PEX5L: variants seen among roughly 807,000 people sequenced by gnomAD.
PEX5L encodes peroxisomal biogenesis factor 5 like.
Under a neutral mutation model 84.0 loss-of-function variants are expected in PEX5L, and 30 were observed. The ratio of observed to expected loss-of-function variants is 0.36; its 90% CI spans 0.27 to 0.48. The LOEUF (loss-of-function observed/expected upper bound fraction) is 0.48, where lower values mean the gene tolerates loss of function less well. PEX5L is among the 20% of genes least tolerant of loss of function. PEX5L has a pLI of 0.99. For synonymous variants in PEX5L, 270 were observed against 283.1 expected (o/e 0.95, Z 0.46); for missense variants, 533 against 754.6 (o/e 0.71, Z 3.44).
chr3:179,904,926 T>A (rs1437378165), intron 2 of PEX5L, among the ~76,000 whole-genome samples: 1 of 152,184 alleles, frequency 6.6e-6, no homozygotes, highest in East Asian at 1.9e-4. Context: ...CCCTCCTGCA[T>A]GCCCATCATG....
At position 179,795,661 on chromosome 3, in the gene PEX5L, T is replaced by C. The variant is rs1716637001; in HGVS notation, c.*6167A>G. On this transcript the variant is annotated 3_prime_UTR_variant, in exon 15 of 15. Coordinates refer to ENST00000467460, the MANE Select transcript of PEX5L (RefSeq NM_016559.3). ...ATGTAAACATTTAAACTTAAATTTT[T>C]TTCTTGTTATCTATTTCAGCCTGAA... is the stretch of plus-strand genomic sequence containing the variant. 1 of 152,192 alleles carries C rather than the reference T, an allele frequency of 6.6e-6. No homozygotes were observed. The highest frequency in any genetic ancestry group is 2.4e-5 in the African/African-American group (1 of 41,462). The allele number at this position is 152,192 out of a possible 1,614,324, so 9.4% of individuals were successfully genotyped here. A position where few individuals can be genotyped will look rare whatever the true frequency, so the allele number is the denominator to read the frequency against.
intron 1 of PEX5L, among the ~76,000 whole-genome samples, chr3:180,025,807 G>A (rs1384731505): frequency 6.6e-6 from 1 of 152,210 alleles, no homozygotes; most frequent in Non-Finnish European, 1.5e-5. Flanking sequence ...AAACATTTTG[G>A]TAGCTCTATA....
At chr3:179,846,649 G>C (rs4855116) in intron 8 of PEX5L, among the ~76,000 whole-genome samples, 106,743 of 152,064 alleles carry the variant, frequency 0.7, 37,964 homozygotes, top group African/African-American at 0.81. Flanking sequence ...ATTGCCCTCC[G>C]CAGTTGGAAG....
chr3:179,858,640 A>G (rs1489795843), intron 8 of PEX5L, among the ~76,000 whole-genome samples: 2 of 152,150 alleles, frequency 1.3e-5, no homozygotes, highest in Non-Finnish European at 2.9e-5. Flanking sequence ...TATATATCAC[A>G]CGGGCAGCAA....
At chr3:180,026,640 T>A (rs937637709) in intron 1 of PEX5L, among the ~76,000 whole-genome samples, 1 of 152,212 alleles carries the variant, frequency 6.6e-6, no homozygotes, top group Non-Finnish European at 1.5e-5. Context: ...CTCTGCTACA[T>A]GATTTAATAA....
chr3:179,845,032 C>T (rs1051423253), intron 8 of PEX5L, among the ~76,000 whole-genome samples: 10 of 152,192 alleles, frequency 6.6e-5, no homozygotes, highest in Non-Finnish European at 1.0e-4. Flanking sequence ...GTTTAAAAAT[C>T]GTGTGATCTA....
At position 179,880,115 on chromosome 3, in the gene PEX5L, T is replaced by A. The variant is rs758121139; in HGVS notation, c.319A>T (p.Thr107Ser). The change falls in exon 5 of 15, where the codon ACT (threonine) becomes TCT (serine). Residue 107 changes from threonine to serine, a missense_variant. By Grantham distance (58) the Thr-to-Ser change is moderately conservative. Coordinates refer to ENST00000467460, the MANE Select transcript of PEX5L (RefSeq NM_016559.3). ...CTCAGGTCGAGGAGATCTAAGCCAG[T>A]GGTCAATACTACCAGAAATGGAAGA... ...PVTSNTAVLT[T>S]GLDLLDLSEP... The A allele has an allele frequency of 3.1e-6, 5 of 1,596,088 alleles. No individual in the cohort carries two copies. Among genetic ancestry groups the A allele is most frequent in the Non-Finnish European group, 4.3e-6 (5 of 1,171,658 alleles).
chr3:179,802,309 T>C (rs1293510108), intron 14 of PEX5L, among the ~76,000 whole-genome samples: 2 of 151,598 alleles, frequency 1.3e-5, no homozygotes, highest in Non-Finnish European at 2.9e-5. Flanking sequence ...CCAAGGCAGG[T>C]GGATCACTTG....
chr3:179,905,317 G>A (rs557305402), intron 2 of PEX5L, among the ~76,000 whole-genome samples: 124 of 150,514 alleles, frequency 8.2e-4, no homozygotes, highest in African/African-American at 2.8e-3. Flanking sequence ...CTGTCGCCCA[G>A]GCTGGAGTGC....
chr3:179,951,292 G>A (rs1474366), intron 2 of PEX5L, among the ~76,000 whole-genome samples: 108,904 of 152,008 alleles, frequency 0.72, 39,598 homozygotes, highest in East Asian at 0.89. Context: ...TTCTACTCCC[G>A]TGTCTTTCTT....
chr3:179,881,079 A>G (rs888950678), intron 4 of PEX5L: 1 of 152,376 alleles, frequency 6.6e-6, no homozygotes, highest in Non-Finnish European at 1.5e-5. Flanking sequence ...CACGTAGGAA[A>G]GCCACAGAAA....
chr3:179,845,119 C>T (rs546428061), intron 8 of PEX5L, among the ~76,000 whole-genome samples: 4 of 152,288 alleles, frequency 2.6e-5, no homozygotes, highest in African/African-American at 9.6e-5. Flanking sequence ...ATGTGAAGGA[C>T]AGGGATTCAC....
At chr3:179,890,754 T>C (rs7650455) in intron 3 of PEX5L, among the ~76,000 whole-genome samples, 3,911 of 152,262 alleles carry the variant, frequency 0.026, 175 homozygotes, top group African/African-American at 0.09. Context: ...AATAGTGATA[T>C]AGGCCTACAT....
At chr3:179,881,780 C>T (rs1054080922) in intron 4 of PEX5L, among the ~76,000 whole-genome samples, 5 of 152,110 alleles carry the variant, frequency 3.3e-5, no homozygotes, top group Non-Finnish European at 7.4e-5. Flanking sequence ...ACAGAGGATC[C>T]TATGAAGTAA....
At chr3:179,883,523 C>A (rs1754807658) in intron 4 of PEX5L, among the ~76,000 whole-genome samples, 1 of 152,194 alleles carries the variant, frequency 6.6e-6, no homozygotes, top group Non-Finnish European at 1.5e-5. Flanking sequence ...GTGGCTCATG[C>A]CTGTAATCCC....
intron 4 of PEX5L, among the ~76,000 whole-genome samples, chr3:179,886,399 G>A (rs1157426619): frequency 4.0e-5 from 6 of 151,890 alleles, no homozygotes; most frequent in South Asian, 2.1e-4. Context: ...GCTGTGGTGT[G>A]ATATAAAAAA....
intron 9 of PEX5L, among the ~76,000 whole-genome samples, chr3:179,817,581 T>A (rs1263048272): frequency 6.6e-6 from 1 of 152,218 alleles, no homozygotes; most frequent in African/African-American, 2.4e-5. Flanking sequence ...TGTAGCTAAA[T>A]TGTTTTTGAG....
intron 1 of PEX5L, among the ~76,000 whole-genome samples, chr3:180,000,220 A>T (rs1297308272): frequency 6.6e-6 from 1 of 152,192 alleles, no homozygotes; most frequent in Non-Finnish European, 1.5e-5. Flanking sequence ...CCACCTGGAC[A>T]CTTTGAGCTC....
intron 2 of PEX5L, among the ~76,000 whole-genome samples, chr3:179,913,646 T>A (rs1429689877): frequency 6.6e-6 from 1 of 152,194 alleles, no homozygotes; most frequent in Non-Finnish European, 1.5e-5. Flanking sequence ...TCTTAGAGAA[T>A]ATTTAATTGG....
Sources: allele counts gnomAD v4.1 joint callset (sites outside exome capture counted in the v4.1 genomes callset), GRCh38; gene constraint gnomAD v4.1.1; transcripts MANE v1.5; gene names NCBI Gene and HGNC (gene_info 2026-07-23, HGNC 2026-07-21).